The following KMT2A variants were observed in gnomAD, a reference collection of about 807,000 sequenced individuals.
KMT2A encodes the protein lysine methyltransferase 2A, also known as histone-lysine N-methyltransferase 2A.
A neutral mutation model predicts 345.3 loss-of-function variants in KMT2A; 16 were observed. The ratio of observed to expected loss-of-function variants is 0.05; its 90% CI spans 0.03 to 0.07. The LOEUF (loss-of-function observed/expected upper bound fraction) is 0.07, where lower values mean the gene tolerates loss of function less well. Among genes scored for constraint, KMT2A ranks in the 10% least tolerant of loss-of-function variants. The probability of loss-of-function intolerance (pLI) is 1.00; values close to 1 mark genes in which losing one functional copy is unlikely to be tolerated. For synonymous variants in KMT2A, 1,599 were observed against 1,778.6 expected (o/e 0.90, Z 2.54); for missense variants, 3,272 against 4,841.6 (o/e 0.68, Z 9.62).
In KMT2A at chr11:118,498,993, C is replaced by A. The variant is rs1159968011; in HGVS notation, c.5962-310C>A. On this transcript the variant is annotated intron_variant, in intron 22 of 35. Coordinates refer to ENST00000534358, the MANE Select transcript of KMT2A (RefSeq NM_001197104.2). The surrounding 1 kb of genome is among the most constrained non-coding windows in gnomAD (Gnocchi z 4.4). ...GGAATCATATAGTACATAGCCTTTT[C>A]AGACTGGCTTCTTCTGCATAGCATT... Among the ~76,000 whole-genome samples the A allele has an allele frequency of 6.6e-6, 1 of 152,224 alleles. No individual in the cohort carries two copies. The highest frequency in any genetic ancestry group is 2.4e-5 in the African/African-American group (1 of 41,456).
intron 1 of KMT2A, among the ~76,000 whole-genome samples, chr11:118,467,794 T>G (rs1003411014): frequency 6.6e-6 from 1 of 152,254 alleles, no homozygotes; most frequent in African/African-American, 2.4e-5. Flanking sequence ...GTTTGGGACT[T>G]ACCACTATAA....
In KMT2A at chr11:118,520,977, A is replaced by T. The variant is rs1055579931; in HGVS notation, c.11513+92A>T. On this transcript the variant is annotated intron_variant, in intron 34 of 35. Transcript: ENST00000534358. This position sits in a 1 kb window ranked among gnomAD's most constrained non-coding sequence, Gnocchi z 4.3. The stretch of plus-strand genomic sequence containing the variant: ...AATGCTGGAGTGACCTTCCTCACTC[A>T]GTAAGTGAGGATTTTACGGACACTA... The T allele has an allele frequency of 1.9e-4, 178 of 939,082 alleles. 2 individuals carry two copies. The highest frequency in any genetic ancestry group is 6.5e-4 in the South Asian group (48 of 74,208). 58.2% of individuals were successfully genotyped at this position (939,082 alleles called of 1,614,324 possible).
At chr11:118,445,771 G>A (rs889304976) in intron 1 of KMT2A, among the ~76,000 whole-genome samples, 1 of 152,242 alleles carries the variant, frequency 6.6e-6, no homozygotes, top group African/African-American at 2.4e-5. Context: ...GGGAGGCCAA[G>A]GCGGGAAGAT....
rs532224828 is a variant in KMT2A, at chr11:118,512,276, C to G, written c.11146+251C>G. ...CATTCTCATCATCCCTAAAAGAAACCCCCTATTCATTAGCAGTCATTCCTC... is the reference window on the plus strand; with the variant it reads ...CATTCTCATCATCCCTAAAAGAAACGCCCTATTCATTAGCAGTCATTCCTC... On this transcript the variant is annotated intron_variant, in intron 31 of 35. Transcript: ENST00000534358. 3.1e-3 allele frequency: 1,617 copies of G among 518,368 alleles called. 16 individuals are homozygous for G. The highest frequency in any genetic ancestry group is 4.5e-3 in the Non-Finnish European group (1,326 of 296,186). The allele number at this position is 518,368 out of a possible 1,614,324, so 32.1% of individuals were successfully genotyped here. A position where few individuals can be genotyped will look rare whatever the true frequency, so the allele number is the denominator to read the frequency against.
rs1331980770 is a variant in KMT2A at position 118,463,203 on chromosome 11, C to T, written c.433-5572C>T. Among the ~76,000 whole-genome samples the T allele has an allele frequency of 4.6e-5, 7 of 151,736 alleles. 1 individual carries two copies. Among genetic ancestry groups the T allele is most frequent in the Admixed American group, 2.6e-4 (4 of 15,226 alleles). On this transcript the variant is annotated intron_variant, in intron 1 of 35. Transcript: ENST00000534358. The stretch of plus-strand genomic sequence containing the variant: ...GCACTCCTGGGGTCAAGCAATCCTC[C>T]TACCTTGTCCTCCCAAAGTGCTGGG...
Position 118,494,745 on chromosome 11 carries a change from G to C in KMT2A, c.5341G>C (p.Glu1781Gln), listed in dbSNP as rs1187648821. ...WFSVKKSRFWEPNKVSSNSGM... is the reference protein window; with the variant it reads ...WFSVKKSRFWQPNKVSSNSGM... The stretch of plus-strand genomic sequence containing the variant: ...CAGTGTCAAAAAGTCCAGGTTTTGG[G>C]AGCCAAATAAAGTATCAAGCAAGTA... The change falls in exon 18 of 36, where the codon GAG becomes CAG. Residue 1781 changes from glutamate to glutamine, a missense_variant. Coordinates refer to ENST00000534358, the MANE Select transcript of KMT2A (RefSeq NM_001197104.2). The surrounding 1 kb of genome is among the most constrained non-coding windows in gnomAD (Gnocchi z 5.8). 3.1e-6 allele frequency: 5 copies of C among 1,613,724 alleles called. No homozygotes were observed. The highest frequency in any genetic ancestry group is 4.2e-6 in the Non-Finnish European group (5 of 1,179,856).
chr11:118,477,498 C>CTTTTTTTTTTTTTTTT lies in KMT2A; in HGVS notation c.3335-457_3335-442dup, dbSNP rs11430367. ...CTTTCATCAAGATGCAAGTTATTGG[C>CTTTTTTTTTTTTTTTT]TTTTTTTTTTTTTTTTTTTTTTTTT... On this transcript the variant is annotated intron_variant, in intron 4 of 35. Transcript: ENST00000534358. Among the ~76,000 whole-genome samples the CTTTTTTTTTTTTTTTT allele has an allele frequency of 6.7e-4, 38 of 56,944 alleles. 11 individuals are homozygous for CTTTTTTTTTTTTTTTT. The highest frequency in any genetic ancestry group is 1.9e-3 in the African/African-American group (25 of 12,984). 37.4% of individuals were successfully genotyped at this position (56,944 alleles called of 152,430 possible).
intron 15 of KMT2A, among the ~76,000 whole-genome samples, 189 bp from the exon 16 acceptor site, chr11:118,492,868 T>C (rs1229791211): frequency 5.9e-5 from 9 of 152,222 alleles, no homozygotes; most frequent in African/African-American, 1.7e-4. Flanking sequence ...TAAGTTACCC[T>C]AGCTAAGCTA....
At chr11:118,454,524 G>C (rs1949603321) in intron 1 of KMT2A, among the ~76,000 whole-genome samples, 1 of 152,188 alleles carries the variant, frequency 6.6e-6, no homozygotes, top group African/African-American at 2.4e-5. Flanking sequence ...GGCCTCTGTT[G>C]AAACTACTCC....
intron 11 of KMT2A, 94 bp downstream of exon 11, chr11:118,488,854 G>A: frequency 8.9e-7 from 1 of 1,129,602 alleles, no homozygotes; most frequent in Non-Finnish European, 1.3e-6. Context: ...ATGTATCTGG[G>A]AAAAAATGAG....
Position 118,478,122 on chromosome 11 carries a change from C to T in KMT2A, c.3490C>T (p.Pro1164Ser), listed in dbSNP as rs1950070880. Residue 1164 changes from proline to serine, a missense_variant, in exon 5 of 36, where the codon CCT (proline) becomes TCT (serine). Coordinates refer to ENST00000534358, the MANE Select transcript of KMT2A (RefSeq NM_001197104.2). ...TGGGCAGTGTCCCGGCTGCCAGGTG[C>T]CTGAGGACTGTGGTGTTTGTACTAA... ...RCGQCPGCQV[P>S]EDCGVCTNCL... 1 of 1,613,986 alleles carries T rather than the reference C, an allele frequency of 6.2e-7. No homozygotes were observed.
In KMT2A at chr11:118,526,816, T is replaced by C. The variant is rs1555055788; in HGVS notation, c.*4644T>C. 2 of 220,082 alleles carry C rather than the reference T, an allele frequency of 9.1e-6. No individual in the cohort carries two copies. The highest frequency in any genetic ancestry group is 4.5e-5 in the African/African-American group (2 of 44,644). 13.6% of individuals were successfully genotyped at this position (220,082 alleles called of 1,614,324 possible). A position where few individuals can be genotyped will look rare whatever the true frequency, so the allele number is the denominator to read the frequency against. On this transcript the variant is annotated 3_prime_UTR_variant, in exon 36 of 36. Transcript: ENST00000534358. ...AGTGATAGTTTAATTAATAAACATGTCAAGTTTATTGCTGCACATGGTTAA... is the reference window on the plus strand; with the variant it reads ...AGTGATAGTTTAATTAATAAACATGCCAAGTTTATTGCTGCACATGGTTAA...
intron 10 of KMT2A, among the ~76,000 whole-genome samples, chr11:118,487,593 G>A (rs1288309682): frequency 1.3e-5 from 2 of 152,104 alleles, no homozygotes; most frequent in Non-Finnish European, 2.9e-5. Context: ...CATTTTACCT[G>A]TAGATACACA....
chr11:118,464,551 A>C (rs1349086945), intron 1 of KMT2A, among the ~76,000 whole-genome samples: 1 of 152,224 alleles, frequency 6.6e-6, no homozygotes, highest in African/African-American at 2.4e-5. Flanking sequence ...AAAAAAAAAA[A>C]AAAAAACCTA....
At chr11:118,514,501 C>T (rs1355817341) in intron 31 of KMT2A, among the ~76,000 whole-genome samples, 6 of 151,618 alleles carry the variant, frequency 4.0e-5, no homozygotes, top group East Asian at 1.9e-4. Flanking sequence ...AGTGCAGTGG[C>T]GTGATCTCGG....
At chr11:118,470,406 T>A (rs567460579) in intron 2 of KMT2A, among the ~76,000 whole-genome samples, 22 of 152,336 alleles carry the variant, frequency 1.4e-4, no homozygotes, top group African/African-American at 5.1e-4. Flanking sequence ...TAGTTTCCTC[T>A]TAAGTTTTTT....
At chr11:118,513,952 A>G (rs1326579669) in intron 31 of KMT2A, among the ~76,000 whole-genome samples, 10 of 151,324 alleles carry the variant, frequency 6.6e-5, no homozygotes, top group South Asian at 2.1e-4. Context: ...AAAAAAAAAA[A>G]AAAAAAGAAA....
intron 6 of KMT2A, 132 bp from the exon 7 acceptor site, chr11:118,481,583 A>C: frequency 1.1e-6 from 1 of 925,918 alleles, no homozygotes. Context: ...TATCTCTTTG[A>C]TATACTGATT....
chr11:118,515,478 A>G (rs545956369), intron 31 of KMT2A, among the ~76,000 whole-genome samples: 3 of 152,272 alleles, frequency 2.0e-5, no homozygotes, highest in South Asian at 4.1e-4. Context: ...GGAGCTTGCA[A>G]TGTCATCAAA....
Sources: allele counts gnomAD v4.1 joint callset (sites outside exome capture counted in the v4.1 genomes callset), GRCh38; gene constraint gnomAD v4.1.1; non-coding constraint Gnocchi (gnomAD v3.1); transcripts MANE v1.5; gene names NCBI Gene and HGNC (gene_info 2026-07-23, HGNC 2026-07-21).